Variants in FHIP1A observed in about 807,000 individuals in gnomAD.
FHIP1A encodes the protein FHF complex subunit HOOK-interacting protein 1A.
In FHIP1A, 61 loss-of-function variants were observed where a neutral mutation model predicts 88.6. The observed-to-expected ratio is 0.69, with a 90% CI of 0.56 to 0.85. FHIP1A has a LOEUF of 0.85. Ranked by LOEUF, FHIP1A falls within the 40% of genes least tolerant of loss-of-function variation. The probability of loss-of-function intolerance (pLI) is 0.00; values close to 1 mark genes in which losing one functional copy is unlikely to be tolerated. For missense variants in FHIP1A, 1,154 were observed against 1,273.5 expected, an observed-to-expected ratio of 0.91 and a Z score of 1.43; for synonymous variants, 478 against 496.0, an observed-to-expected ratio of 0.96 and a Z score of 0.48.
At chr4:151,537,789 T>C (rs1036338586) in intron 3 of FHIP1A, among the ~76,000 whole-genome samples, 3 of 152,220 alleles carry the variant, frequency 2.0e-5, no homozygotes, top group African/African-American at 7.2e-5. Flanking sequence ...TGTTAACAAC[T>C]AGACTATTGT....
intron 3 of FHIP1A, among the ~76,000 whole-genome samples, chr4:151,516,693 A>G (rs1290073488): frequency 2.0e-5 from 3 of 152,272 alleles, no homozygotes; most frequent in African/African-American, 4.8e-5. Context: ...CAAAAGACAC[A>G]TGAAAAAATG....
chr4:151,544,856 G>A (rs947842832), intron 3 of FHIP1A, among the ~76,000 whole-genome samples: 1 of 152,120 alleles, frequency 6.6e-6, no homozygotes, highest in Non-Finnish European at 1.5e-5. Context: ...GCAGGAGTTT[G>A]TCTTGAGCCC....
intron 3 of FHIP1A, among the ~76,000 whole-genome samples, chr4:151,508,650 T>G (rs1174613907): frequency 1.3e-5 from 2 of 152,166 alleles, no homozygotes; most frequent in Non-Finnish European, 2.9e-5. Flanking sequence ...AATCAAAGTT[T>G]GACACTTTTA....
At chr4:151,609,489 G>A (rs914236107) in intron 7 of FHIP1A, among the ~76,000 whole-genome samples, 1 of 152,178 alleles carries the variant, frequency 6.6e-6, no homozygotes, top group Non-Finnish European at 1.5e-5. Flanking sequence ...TGGACCAACT[G>A]TAGAACATAA....
intron 1 of FHIP1A, among the ~76,000 whole-genome samples, chr4:151,443,338 G>A (rs1328492146): frequency 2.0e-5 from 3 of 151,946 alleles, no homozygotes; most frequent in Non-Finnish European, 4.4e-5. Flanking sequence ...CATTTTTTGA[G>A]GATTGATCTT....
rs141792607 is a variant in FHIP1A, at chr4:151,588,794, A to C, written c.892-46A>C. The C allele has an allele frequency of 6.5e-4, 754 of 1,156,930 alleles. 6 individuals carry two copies. The African/African-American group carries it at 0.01, about 16-fold the overall frequency. 71.7% of individuals were successfully genotyped at this position (1,156,930 alleles called of 1,614,324 possible). On this transcript the variant is annotated intron_variant, in intron 6 of 13. Transcript: ENST00000435205. ...AGAATTGTTTTATTTTAAGAACTGA[A>C]GATTGAACTCTTTGCCTTTTTCATG...
rs1733442629 is a variant in FHIP1A at position 151,567,739 on chromosome 4, A to G, written c.105+1375A>G. On this transcript the variant is annotated intron_variant, in intron 4 of 13. Transcript: ENST00000435205. ...TACAAATTTCTGTTTTGTGTTTAAA[A>G]CGTACATTATACATTTGTATATTAG... Among the ~76,000 whole-genome samples the G allele has an allele frequency of 2.0e-5, 3 of 152,054 alleles. No individual in the cohort carries two copies. The South Asian group carries it at 6.2e-4, about 32-fold the overall frequency.
chr4:151,599,879 G>T (rs1219266303), intron 7 of FHIP1A, among the ~76,000 whole-genome samples: 1 of 152,094 alleles, frequency 6.6e-6, no homozygotes, highest in African/African-American at 2.4e-5. Context: ...CTGGTGTACA[G>T]AATATTCAGG....
chr4:151,605,043 A>C (rs1735019657), intron 7 of FHIP1A, among the ~76,000 whole-genome samples: 1 of 152,130 alleles, frequency 6.6e-6, no homozygotes, highest in Admixed American at 6.6e-5. Context: ...ATGTTGTTTC[A>C]GGATCCTGGG....
chr4:151,555,479 CAA>C (rs999183471), intron 3 of FHIP1A, among the ~76,000 whole-genome samples: 9 of 152,144 alleles, frequency 5.9e-5, no homozygotes, highest in African/African-American at 1.7e-4. Context: ...TTTTTTGAAA[CAA>C]GAGTATCTGA....
rs368066103 is a variant in FHIP1A, at chr4:151,416,623, A to G, written c.-356+7158A>G. Among the ~76,000 whole-genome samples, 24 of 152,266 alleles carry G rather than the reference A, an allele frequency of 1.6e-4. 1 individual carries two copies. Among genetic ancestry groups the G allele is most frequent in the Admixed American group, 1.1e-3 (17 of 15,294 alleles). On this transcript the variant is annotated intron_variant, in intron 1 of 13. Coordinates refer to ENST00000435205, the MANE Select transcript of FHIP1A (RefSeq NM_001109977.3). ...AACTTTGTACATCCTCAAAATAAGG[A>G]TGATGTCTCCATATTTATTTATTAG...
intron 3 of FHIP1A, among the ~76,000 whole-genome samples, chr4:151,539,497 G>A (rs1382994973): frequency 1.3e-5 from 2 of 151,032 alleles, no homozygotes; most frequent in Non-Finnish European, 2.9e-5. Context: ...CTGGGAGGCG[G>A]AGGTTGCAGT....
chr4:151,503,868 C>T (rs1011587407), intron 3 of FHIP1A, among the ~76,000 whole-genome samples: 3 of 152,154 alleles, frequency 2.0e-5, no homozygotes, highest in Non-Finnish European at 2.9e-5. Flanking sequence ...ATCCTTTGTT[C>T]TTAGATCCTC....
intron 3 of FHIP1A, among the ~76,000 whole-genome samples, chr4:151,483,925 G>T (rs890009463): frequency 6.6e-6 from 1 of 152,128 alleles, no homozygotes; most frequent in Non-Finnish European, 1.5e-5. Flanking sequence ...CATAAATTTG[G>T]AGCTCATTTT....
Position 151,562,312 on chromosome 4 carries a change from C to T in FHIP1A, c.-122-3826C>T, listed in dbSNP as rs73862060. Among the ~76,000 whole-genome samples the T allele has an allele frequency of 4.0e-3, 606 of 152,296 alleles. 5 individuals are homozygous for T. Among genetic ancestry groups the T allele is most frequent in the African/African-American group, 0.014 (590 of 41,560 alleles). On this transcript the variant is annotated intron_variant, in intron 3 of 13. Transcript: ENST00000435205. The stretch of plus-strand genomic sequence containing the variant: ...GTAGGAAGGGAGCCAGCTGTGCTTC[C>T]CATCAAGTATAAGGTAGTGGTTTTG...
In FHIP1A at chr4:151,666,885, T is replaced by C. The variant is rs556472852; in HGVS notation, c.*4131T>C. On this transcript the variant is annotated 3_prime_UTR_variant, in exon 14 of 14. Coordinates refer to ENST00000435205, the MANE Select transcript of FHIP1A (RefSeq NM_001109977.3). ...ACATAATAGTTTTGGTAAACTGTCT[T>C]TATCTGGCTGCACCCCCTTTTAAGT... is the stretch of plus-strand genomic sequence containing the variant. Among the ~76,000 whole-genome samples, 4 of 152,212 alleles carry C rather than the reference T, an allele frequency of 2.6e-5. No homozygotes were observed. Among genetic ancestry groups the C allele is most frequent in the Non-Finnish European group, 5.9e-5 (4 of 68,040 alleles).
chr4:151,442,335 T>TA lies in FHIP1A; in HGVS notation c.-355-12357dup, dbSNP rs1028235860. On this transcript the variant is annotated intron_variant, in intron 1 of 13. Transcript: ENST00000435205. ...AGAACAGAAGCCCACTCAAATTAATTAAAAAAAAATCAACAGAAAAACCCC... is the reference window on the plus strand; with the variant it reads ...AGAACAGAAGCCCACTCAAATTAATTAAAAAAAAAATCAACAGAAAAACCCC... Among the ~76,000 whole-genome samples the TA allele has an allele frequency of 1.3e-3, 197 of 151,474 alleles. 1 individual carries two copies. Among genetic ancestry groups the TA allele is most frequent in the African/African-American group, 1.3e-3 (53 of 41,276 alleles).
chr4:151,591,763 C>G (rs1398288877), intron 7 of FHIP1A, among the ~76,000 whole-genome samples: 2 of 152,188 alleles, frequency 1.3e-5, no homozygotes, highest in African/African-American at 4.8e-5. Flanking sequence ...ATCCATGTCC[C>G]TGCAAAGGAA....
At chr4:151,422,941 T>A (rs1277241534) in intron 1 of FHIP1A, among the ~76,000 whole-genome samples, 1 of 152,178 alleles carries the variant, frequency 6.6e-6, no homozygotes, top group Non-Finnish European at 1.5e-5. Flanking sequence ...CTTTCTAAGC[T>A]ATTAATATGA....
Sources: gnomAD v4.1 joint callset for allele counts (sites outside exome capture counted in the v4.1 genomes callset) on GRCh38, gnomAD v4.1.1 for gene constraint, MANE v1.5 for transcripts, NCBI Gene and HGNC (gene_info 2026-07-23, HGNC 2026-07-21) for gene names.